Variants in CCDC91 observed in about 807,000 individuals in gnomAD.
CCDC91 encodes coiled-coil domain-containing protein 91.
Under a neutral mutation model 63.2 loss-of-function variants are expected in CCDC91, and 48 were observed. The ratio of observed to expected loss-of-function variants is 0.76; its 90% CI spans 0.60 to 0.97. The LOEUF is 0.97. Ranked by LOEUF, CCDC91 falls within the 50% of genes least tolerant of loss-of-function variation. The pLI, the probability that CCDC91 is intolerant of heterozygous loss-of-function variation, is 0.00. For missense variants in CCDC91, 500 were observed against 494.6 expected (o/e 1.01, Z -0.10); for synonymous variants, 167 against 165.8 (o/e 1.01, Z -0.06).
chr12:28,383,981 A>C (rs1945449450), intron 7 of CCDC91, among the ~76,000 whole-genome samples: 1 of 152,148 alleles, frequency 6.6e-6, no homozygotes, highest in Non-Finnish European at 1.5e-5. Context: ...CTATAGATTG[A>C]AGTTTTAGAC....
intron 6 of CCDC91, among the ~76,000 whole-genome samples, chr12:28,355,863 A>T (rs1360054498): frequency 6.6e-6 from 1 of 152,132 alleles, no homozygotes; most frequent in Non-Finnish European, 1.5e-5. Context: ...TTGGAATAGG[A>T]GCAGTGATTA....
At chr12:28,385,016 A>G (rs1375170063) in intron 7 of CCDC91, among the ~76,000 whole-genome samples, 1 of 151,964 alleles carries the variant, frequency 6.6e-6, no homozygotes, top group Admixed American at 6.6e-5. Context: ...AAGGGCTTGT[A>G]CCAGAAAAAA....
intron 11 of CCDC91, among the ~76,000 whole-genome samples, chr12:28,459,482 A>G (rs1592732903): frequency 6.6e-6 from 1 of 152,154 alleles, no homozygotes; most frequent in Non-Finnish European, 1.5e-5. Context: ...GAGTTTTGGT[A>G]GCTTTTAATT....
At chr12:28,288,096 T>G (rs1220248348) in intron 3 of CCDC91, among the ~76,000 whole-genome samples, 1 of 152,190 alleles carries the variant, frequency 6.6e-6, no homozygotes, top group Admixed American at 6.5e-5. Flanking sequence ...TTAAGGAGCT[T>G]TTGGGTGGAC....
At chr12:28,481,254 T>G (rs904576542) in intron 11 of CCDC91, among the ~76,000 whole-genome samples, 1 of 151,966 alleles carries the variant, frequency 6.6e-6, no homozygotes, top group Non-Finnish European at 1.5e-5. Context: ...CTATTCACCT[T>G]AGGATAGTGT....
At chr12:28,265,590 C>G (rs183140569) in intron 3 of CCDC91, among the ~76,000 whole-genome samples, 13 of 151,370 alleles carry the variant, frequency 8.6e-5, no homozygotes, top group African/African-American at 2.9e-4. Context: ...GACAACAGAT[C>G]GGTCATTTTA....
intron 3 of CCDC91, among the ~76,000 whole-genome samples, chr12:28,266,473 G>T (rs1356122556): frequency 6.6e-6 from 1 of 151,934 alleles, no homozygotes; most frequent in Non-Finnish European, 1.5e-5. Context: ...GAATTATGGT[G>T]CCTGGTTTAA....
At chr12:28,288,403 A>C (rs1210700225) in intron 3 of CCDC91, among the ~76,000 whole-genome samples, 3 of 152,208 alleles carry the variant, frequency 2.0e-5, no homozygotes, top group Admixed American at 6.5e-5. Context: ...AGTTTTTAAC[A>C]TGAAGGAATG....
At chr12:28,278,592 T>C (rs1480381905) in intron 3 of CCDC91, among the ~76,000 whole-genome samples, 2 of 152,102 alleles carry the variant, frequency 1.3e-5, no homozygotes, top group Non-Finnish European at 2.9e-5. Context: ...TTCTCAAGTC[T>C]TTTTGTTTAT....
intron 1 of CCDC91, among the ~76,000 whole-genome samples, chr12:28,203,738 T>C (rs1216337530): frequency 2.0e-5 from 3 of 152,214 alleles, no homozygotes; most frequent in Non-Finnish European, 4.4e-5. Flanking sequence ...TTATTAATAA[T>C]AAGTAGTATG....
intron 12 of CCDC91, among the ~76,000 whole-genome samples, chr12:28,520,712 A>G (rs1022050614): frequency 6.6e-6 from 1 of 152,130 alleles, no homozygotes; most frequent in Admixed American, 6.6e-5. Flanking sequence ...TAGGTCTAAC[A>G]TTTAAGTCTT....
chr12:28,364,349 T>C (rs1944129407), intron 7 of CCDC91, among the ~76,000 whole-genome samples: 3 of 152,058 alleles, frequency 2.0e-5, no homozygotes, highest in African/African-American at 7.2e-5. Context: ...GATTGCGCCA[T>C]TGCACTCCTG....
chr12:28,315,305 ACAGGCATGTACCACCACAC>A (rs1162634427), intron 6 of CCDC91, among the ~76,000 whole-genome samples: 1 of 151,892 alleles, frequency 6.6e-6, no homozygotes, highest in African/African-American at 2.4e-5. Flanking sequence ...AGCTGGAATT[ACAGGCATGTACCACCACAC>A]CCGGCTAATT....
intron 12 of CCDC91, among the ~76,000 whole-genome samples, chr12:28,507,961 T>A (rs901932191): frequency 1.3e-5 from 2 of 151,866 alleles, no homozygotes; most frequent in African/African-American, 4.8e-5. Flanking sequence ...AGGGGACTGA[T>A]CTTTTGTACC....
intron 1 of CCDC91, among the ~76,000 whole-genome samples, chr12:28,246,143 C>T (rs1214627390): frequency 6.6e-6 from 1 of 152,126 alleles, no homozygotes; most frequent in African/African-American, 2.4e-5. Flanking sequence ...CCCAAATTGA[C>T]ATACTGCAGG....
At chr12:28,342,583 A>G (rs892641453) in intron 6 of CCDC91, among the ~76,000 whole-genome samples, 1 of 152,126 alleles carries the variant, frequency 6.6e-6, no homozygotes. Context: ...AGCTTCTGTC[A>G]TGGGATTGAT....
At position 28,296,618 on chromosome 12, in the gene CCDC91, A is replaced by C. The variant is rs74075328; in HGVS notation, c.110-9031A>C. Among the ~76,000 whole-genome samples, 347 of 152,000 alleles carry C rather than the reference A, an allele frequency of 2.3e-3. 2 individuals carry two copies. The highest frequency in any genetic ancestry group is 8.0e-3 in the African/African-American group (334 of 41,528). ...TCCTAAAATCCATTATATTACATCT[A>C]TATATCTATACATATAATGTATAAA... On this transcript the variant is annotated intron_variant, in intron 3 of 12. Transcript: ENST00000536442.
At chr12:28,201,160 C>T (rs1942263176) in intron 1 of CCDC91, among the ~76,000 whole-genome samples, 1 of 150,326 alleles carries the variant, frequency 6.7e-6, no homozygotes, top group African/African-American at 2.5e-5. Context: ...GACGAGGTGG[C>T]TGCTGGGCGG....
intron 1 of CCDC91, among the ~76,000 whole-genome samples, chr12:28,218,356 G>C (rs1031006751): frequency 6.6e-6 from 1 of 151,772 alleles, no homozygotes; most frequent in Non-Finnish European, 1.5e-5. Flanking sequence ...TAGAAAGCTC[G>C]TTTTCATTAC....
Sources: gnomAD v4.1 joint callset for allele counts (sites outside exome capture counted in the v4.1 genomes callset) on GRCh38, gnomAD v4.1.1 for gene constraint, MANE v1.5 for transcripts, NCBI Gene and HGNC (gene_info 2026-07-23, HGNC 2026-07-21) for gene names.